Variants in TENM4 observed in about 807,000 individuals in gnomAD.
TENM4 encodes teneurin-4.
A neutral mutation model predicts 243.3 loss-of-function variants in TENM4; 82 were observed. The observed-to-expected ratio is 0.34, with a 90% CI of 0.28 to 0.40. The LOEUF (loss-of-function observed/expected upper bound fraction) is 0.40. Among genes scored for constraint, TENM4 ranks in the 10% least tolerant of loss-of-function variants. TENM4 has a pLI of 1.00. For synonymous variants in TENM4, 1,412 were observed against 1,456.3 expected (o/e 0.97, Z 0.69); for missense variants, 3,138 against 3,673.3 (o/e 0.85, Z 3.77).
rs141231146 is a variant in TENM4, at chr11:78,823,817, A to G, written c.1682-9422T>C. ...TGTTTTGCCCCTTGCAACGGAAAAA[A>G]CTAATTTACCTTGGCACGTCACCAG... On this transcript the variant is annotated intron_variant, in intron 12 of 33. Coordinates refer to ENST00000278550, the MANE Select transcript of TENM4 (RefSeq NM_001098816.3). Among the ~76,000 whole-genome samples, 1,037 of 152,308 alleles carry G rather than the reference A, an allele frequency of 6.8e-3. 7 individuals are homozygous for G. The highest frequency in any genetic ancestry group is 0.023 in the African/African-American group (961 of 41,572).
chr11:79,283,213 AACACACACAC>A lies in TENM4; in HGVS notation c.-265+14265_-265+14274del, dbSNP rs33993080. Among the ~76,000 whole-genome samples, 774 of 136,028 alleles carry A rather than the reference AACACACACAC, an allele frequency of 5.7e-3. 13 individuals carry two copies. Among genetic ancestry groups the A allele is most frequent in the Admixed American group, 0.04 (544 of 13,626 alleles). The allele number at this position is 136,028 out of a possible 152,430, so 89.2% of individuals were successfully genotyped here. A position where few individuals can be genotyped will look rare whatever the true frequency, so the allele number is the denominator to read the frequency against. On this transcript the variant is annotated intron_variant, in intron 2 of 33. Coordinates refer to ENST00000278550, the MANE Select transcript of TENM4 (RefSeq NM_001098816.3). The stretch of plus-strand genomic sequence containing the variant: ...CAGACAAAGACATCACACACACACA[AACACACACAC>A]ACACACACACACACACACACACACA...
chr11:79,040,026 A>G (rs1354228290), intron 6 of TENM4, among the ~76,000 whole-genome samples: 1 of 87,688 alleles, frequency 1.1e-5, no homozygotes. Context: ...AAAAGAGGCA[A>G]AATGATTAAA....
intron 2 of TENM4, among the ~76,000 whole-genome samples, chr11:79,255,110 A>C (rs775351678): frequency 4.6e-5 from 7 of 152,226 alleles, no homozygotes; most frequent in Non-Finnish European, 8.8e-5. Context: ...TTCACCGCAG[A>C]ATTGGGGGCG....
intron 3 of TENM4, among the ~76,000 whole-genome samples, chr11:79,160,774 G>A (rs1307391619): frequency 1.8e-4 from 27 of 152,102 alleles, no homozygotes. Flanking sequence ...TATTCTAGTT[G>A]TCCCTCAATG....
chr11:79,336,434 G>T (rs1565304876), intron 1 of TENM4, among the ~76,000 whole-genome samples: 1 of 152,152 alleles, frequency 6.6e-6, no homozygotes, highest in African/African-American at 2.4e-5. Context: ...TTAGATGAGA[G>T]AGGAAAAAGG....
intron 2 of TENM4, among the ~76,000 whole-genome samples, chr11:79,289,259 C>T (rs530711951): frequency 2.0e-5 from 3 of 152,308 alleles, no homozygotes; most frequent in African/African-American, 7.2e-5. Flanking sequence ...GTTGTTTCAA[C>T]AGTGGTGTTT....
At chr11:78,733,740 C>T (rs1024306485) in intron 20 of TENM4, among the ~76,000 whole-genome samples, 1 of 152,208 alleles carries the variant, frequency 6.6e-6, no homozygotes. Context: ...GGTTCTGCAG[C>T]CACATGTTTA....
At chr11:79,123,839 A>G (rs1434079463) in intron 4 of TENM4, among the ~76,000 whole-genome samples, 1 of 152,208 alleles carries the variant, frequency 6.6e-6, no homozygotes, top group Non-Finnish European at 1.5e-5. Flanking sequence ...TTTGGGAAAC[A>G]TGAGGCTAGC....
In TENM4 at chr11:79,352,222, G is replaced by A. The variant is rs139607346; in HGVS notation, c.-320-54679C>T. The stretch of plus-strand genomic sequence containing the variant: ...GCTGCCAGAATGAATTAGAAGGCTG[G>A]AAGGAGCAGAGAGCACTGAGGGCTA... On this transcript the variant is annotated intron_variant, in intron 1 of 33. Transcript: ENST00000278550. 3.4e-3 allele frequency among the ~76,000 whole-genome samples: 519 copies of A among 152,296 alleles called. 2 individuals are homozygous for A. Among genetic ancestry groups the A allele is most frequent in the African/African-American group, 0.012 (499 of 41,560 alleles).
intron 6 of TENM4, among the ~76,000 whole-genome samples, chr11:78,905,481 G>A (rs777825971): frequency 1.3e-5 from 2 of 152,118 alleles, no homozygotes; most frequent in African/African-American, 4.8e-5. Flanking sequence ...TGCTACTTTC[G>A]GCATAAAGCC....
intron 6 of TENM4, among the ~76,000 whole-genome samples, chr11:78,906,270 T>A (rs1219984110): frequency 6.6e-6 from 1 of 152,224 alleles, no homozygotes; most frequent in Non-Finnish European, 1.5e-5. Flanking sequence ...CGCTGAGGCT[T>A]ACAAAACTAG....
intron 18 of TENM4, among the ~76,000 whole-genome samples, chr11:78,757,779 C>T (rs916420821): frequency 3.3e-5 from 5 of 152,158 alleles, no homozygotes; most frequent in Admixed American, 6.5e-5. Context: ...GCTGAATCCT[C>T]GGTCCTCTGG....
At chr11:78,796,890 A>C (rs1206461962) in intron 15 of TENM4, among the ~76,000 whole-genome samples, 1 of 151,898 alleles carries the variant, frequency 6.6e-6, no homozygotes, top group East Asian at 1.9e-4. Flanking sequence ...CTCATATCCA[A>C]CCTCCACCAC....
chr11:78,817,052 A>C (rs1472021123), intron 12 of TENM4, among the ~76,000 whole-genome samples: 1 of 152,166 alleles, frequency 6.6e-6, no homozygotes, highest in African/African-American at 2.4e-5. Context: ...ATAATTAATT[A>C]AGAGATCAAG....
chr11:79,255,819 CT>C (rs1268290281), intron 2 of TENM4, among the ~76,000 whole-genome samples: 1 of 152,224 alleles, frequency 6.6e-6, no homozygotes, highest in African/African-American at 2.4e-5. Flanking sequence ...ATCTTCTCTT[CT>C]GTCCCTTTCT....
At chr11:79,307,472 A>G (rs545485879) in intron 1 of TENM4, among the ~76,000 whole-genome samples, 5 of 151,810 alleles carry the variant, frequency 3.3e-5, no homozygotes, top group East Asian at 1.9e-4. Context: ...TAACTCCTCA[A>G]TCTCTCCCAA....
chr11:78,890,768 G>C (rs1379998612), intron 8 of TENM4, among the ~76,000 whole-genome samples: 19 of 152,212 alleles, frequency 1.2e-4, no homozygotes, highest in Admixed American at 1.2e-3. Flanking sequence ...GACCAAACTA[G>C]GTGTCAGGAG....
chr11:78,875,997 G>A (rs1591090622), intron 9 of TENM4, among the ~76,000 whole-genome samples: 1 of 152,326 alleles, frequency 6.6e-6, no homozygotes, highest in East Asian at 1.9e-4. Flanking sequence ...TATGGGGACA[G>A]GGACATGAGA....
intron 16 of TENM4, among the ~76,000 whole-genome samples, chr11:78,785,845 TCTCCAAAG>T (rs1856924043): frequency 6.6e-6 from 1 of 152,074 alleles, no homozygotes; most frequent in South Asian, 2.1e-4. Context: ...TTCCTTTGTC[TCTCCAAAG>T]CTGTGGGGCT....
Sources: allele counts gnomAD v4.1 joint callset (sites outside exome capture counted in the v4.1 genomes callset), GRCh38; gene constraint gnomAD v4.1.1; transcripts MANE v1.5; gene names NCBI Gene and HGNC (gene_info 2026-07-23, HGNC 2026-07-21).